The following AUTS2 variants were observed in gnomAD, a reference collection of about 807,000 sequenced individuals.
AUTS2 encodes the protein activator of transcription and developmental regulator AUTS2.
In AUTS2, 17 loss-of-function variants were observed where a neutral mutation model predicts 112.4. The observed-to-expected ratio is 0.15, with a 90% CI of 0.10 to 0.23. AUTS2 has a LOEUF of 0.23. Ranked by LOEUF, AUTS2 falls within the 10% of genes least tolerant of loss-of-function variation. AUTS2 has a pLI of 1.00. For synonymous variants in AUTS2, 751 were observed against 702.7 expected, an observed-to-expected ratio of 1.07 and a Z score of -1.09; for missense variants, 1,510 against 1,701.6, an observed-to-expected ratio of 0.89 and a Z score of 1.98.
intron 4 of AUTS2, among the ~76,000 whole-genome samples, chr7:70,310,942 T>C (rs904094988): frequency 6.6e-6 from 1 of 152,188 alleles, no homozygotes; most frequent in African/African-American, 2.4e-5. Context: ...CAAGCGTTTC[T>C]TAGTTTGGCT....
intron 5 of AUTS2, among the ~76,000 whole-genome samples, chr7:70,497,579 C>T (rs1289889148): frequency 6.6e-6 from 1 of 152,210 alleles, no homozygotes; most frequent in Non-Finnish European, 1.5e-5. Context: ...ATGCCTTTAA[C>T]TTTTCCAAGG....
chr7:70,186,874 G>A (rs1809634311), intron 4 of AUTS2, among the ~76,000 whole-genome samples: 1 of 152,148 alleles, frequency 6.6e-6, no homozygotes, highest in East Asian at 1.9e-4. Flanking sequence ...CAGCCAATAT[G>A]TGTAATTTTA....
At chr7:70,459,206 CTTT>C (rs1796865703) in intron 5 of AUTS2, among the ~76,000 whole-genome samples, 1 of 152,122 alleles carries the variant, frequency 6.6e-6, no homozygotes, top group South Asian at 2.1e-4. Context: ...CTTTTTTCTT[CTTT>C]GTCTCACTAG....
At chr7:69,657,080 A>C (rs1795574378) in intron 1 of AUTS2, among the ~76,000 whole-genome samples, 1 of 152,166 alleles carries the variant, frequency 6.6e-6, no homozygotes, top group South Asian at 2.1e-4. Flanking sequence ...GCTTTAATTA[A>C]ATACACAGCT....
intron 4 of AUTS2, among the ~76,000 whole-genome samples, chr7:70,419,909 C>T (rs1213638622): frequency 1.3e-5 from 2 of 152,122 alleles, no homozygotes; most frequent in East Asian, 1.9e-4. Context: ...TATATTTCCT[C>T]TTCCGTGAAT....
chr7:70,562,600 C>T (rs973214215), intron 5 of AUTS2, among the ~76,000 whole-genome samples: 1 of 152,200 alleles, frequency 6.6e-6, no homozygotes, highest in African/African-American at 2.4e-5. Context: ...GATTCCATGT[C>T]CACAGGTCTG....
chr7:70,338,070 A>G (rs980603810), intron 4 of AUTS2, among the ~76,000 whole-genome samples: 2 of 152,228 alleles, frequency 1.3e-5, no homozygotes, highest in East Asian at 1.9e-4. Flanking sequence ...TTACATTCCC[A>G]TCTGCCAATC....
intron 2 of AUTS2, among the ~76,000 whole-genome samples, chr7:69,968,003 TG>T (rs1488298225): frequency 6.6e-6 from 1 of 152,146 alleles, no homozygotes; most frequent in Non-Finnish European, 1.5e-5. Context: ...GCTGACCAAG[TG>T]GAAGCAATCT....
intron 4 of AUTS2, among the ~76,000 whole-genome samples, chr7:70,286,666 T>G (rs931687977): frequency 6.6e-6 from 1 of 152,212 alleles, no homozygotes; most frequent in Non-Finnish European, 1.5e-5. Context: ...TTAAAATGTT[T>G]TAAAACATTT....
At chr7:69,822,779 C>T (rs2129526512) in intron 1 of AUTS2, among the ~76,000 whole-genome samples, 1 of 152,250 alleles carries the variant, frequency 6.6e-6, no homozygotes. Flanking sequence ...GAGTGGAGTC[C>T]AATCCAATAT....
intron 5 of AUTS2, among the ~76,000 whole-genome samples, chr7:70,693,241 TTC>T (rs757466753): frequency 3.9e-5 from 6 of 152,128 alleles, no homozygotes; most frequent in African/African-American, 1.2e-4. Context: ...TTTCTGGCCA[TTC>T]AGTCCCCCAC....
At chr7:70,436,012 A>T in intron 5 of AUTS2, 1 of 417,082 alleles carries the variant, frequency 2.4e-6, no homozygotes, top group Non-Finnish European at 4.3e-6. Flanking sequence ...CATATATGTG[A>T]CACTGAGTTT....
intron 4 of AUTS2, among the ~76,000 whole-genome samples, chr7:70,316,428 C>CAG (rs200024324): frequency 0.076 from 9,500 of 124,676 alleles, 443 homozygotes; most frequent in Non-Finnish European, 0.092. Flanking sequence ...TTTTTTGAGA[C>CAG]AGAGTCACTC....
At chr7:69,695,534 A>G (rs1402457627) in intron 1 of AUTS2, among the ~76,000 whole-genome samples, 2 of 152,176 alleles carry the variant, frequency 1.3e-5, no homozygotes, top group Non-Finnish European at 2.9e-5. Flanking sequence ...ATGAATTTGA[A>G]TCACATTCGA....
At position 70,747,631 on chromosome 7, in the gene AUTS2, GTTTTGTTTTTGT is replaced by G. The variant is rs530024962; in HGVS notation, c.743-15217_743-15206del. ...CCACCACCACACCTGGCTATGTTTTGTTTTGTTTTTGTTTTTGTTTTTGTTTTTGTTTTGTAG... is the reference window on the plus strand; with the variant it reads ...CCACCACCACACCTGGCTATGTTTTGTTTTGTTTTTGTTTTTGTTTTGTAG... On this transcript the variant is annotated intron_variant, in intron 6 of 18. Transcript: ENST00000342771. Among the ~76,000 whole-genome samples, 55 of 151,568 alleles carry G rather than the reference GTTTTGTTTTTGT, an allele frequency of 3.6e-4. 1 individual carries two copies. The highest frequency in any genetic ancestry group is 3.2e-3 in the Middle Eastern group (1 of 314).
chr7:70,321,385 T>C (rs1562878222), intron 4 of AUTS2, among the ~76,000 whole-genome samples: 1 of 152,236 alleles, frequency 6.6e-6, no homozygotes, highest in East Asian at 1.9e-4. Context: ...ATTTCTTTTC[T>C]CTGTTTTGCA....
At chr7:69,643,047 GATTGTTGGTGGAA>G (rs1339052594) in intron 1 of AUTS2, among the ~76,000 whole-genome samples, 2 of 152,296 alleles carry the variant, frequency 1.3e-5, no homozygotes, top group East Asian at 3.9e-4. Flanking sequence ...AGCCCACTGT[GATTGTTGGTGGAA>G]CTTATTTCCT....
chr7:70,419,858 TA>T (rs1795142747), intron 4 of AUTS2, among the ~76,000 whole-genome samples: 4 of 152,234 alleles, frequency 2.6e-5, no homozygotes. Flanking sequence ...CTTTGATTAC[TA>T]GTGAGGTGGA....
chr7:70,460,208 G>A (rs995390278), intron 5 of AUTS2, among the ~76,000 whole-genome samples: 1 of 152,016 alleles, frequency 6.6e-6, no homozygotes, highest in South Asian at 2.1e-4. Flanking sequence ...AAGTCTGTGC[G>A]AAGTGCCACA....
Sources: gnomAD v4.1 joint callset for allele counts (sites outside exome capture counted in the v4.1 genomes callset) on GRCh38, gnomAD v4.1.1 for gene constraint, MANE v1.5 for transcripts, NCBI Gene and HGNC (gene_info 2026-07-23, HGNC 2026-07-21) for gene names.